The following TMEM178B variants were observed in gnomAD, a reference collection of about 807,000 sequenced individuals.
The protein encoded by TMEM178B is transmembrane protein 178B.
A neutral mutation model predicts 31.0 loss-of-function variants in TMEM178B; 5 were observed. The ratio of observed to expected loss-of-function variants is 0.16; its 90% CI spans 0.08 to 0.34. TMEM178B has a LOEUF of 0.34. TMEM178B is among the 10% of genes least tolerant of loss of function. The pLI is 1.00. For missense variants in TMEM178B, 275 were observed against 400.3 expected, an observed-to-expected ratio of 0.69 and a Z score of 2.67; for synonymous variants, 164 against 164.0, an observed-to-expected ratio of 1.00 and a Z score of 0.00.
At chr7:141,205,381 A>T (rs1199040502) in intron 1 of TMEM178B, among the ~76,000 whole-genome samples, 4 of 152,150 alleles carry the variant, frequency 2.6e-5, no homozygotes, top group African/African-American at 9.7e-5. Flanking sequence ...GAGTTCCCAC[A>T]TTCCAATTCT....
chr7:141,079,411 C>T (rs1373642774), intron 1 of TMEM178B, among the ~76,000 whole-genome samples: 3 of 152,170 alleles, frequency 2.0e-5, no homozygotes, highest in African/African-American at 7.2e-5. Flanking sequence ...TTCCCACCAT[C>T]GGAGAAAATT....
intron 1 of TMEM178B, among the ~76,000 whole-genome samples, chr7:141,121,018 G>A (rs1295622207): frequency 6.6e-6 from 1 of 151,382 alleles, no homozygotes; most frequent in African/African-American, 2.4e-5. Context: ...GCTATTTCTT[G>A]GAGAGCATTG....
chr7:141,294,211 C>A (rs780076321), intron 2 of TMEM178B, among the ~76,000 whole-genome samples: 23 of 152,148 alleles, frequency 1.5e-4, no homozygotes, highest in Non-Finnish European at 7.3e-5. Context: ...CTGGAAACTG[C>A]AAATGTGGTC....
chr7:141,439,210 T>C (rs575825460), intron 3 of TMEM178B, among the ~76,000 whole-genome samples: 2 of 152,294 alleles, frequency 1.3e-5, no homozygotes, highest in Middle Eastern at 3.4e-3. Flanking sequence ...AACACAGCCA[T>C]TCTGTGCCAA....
chr7:141,420,939 G>C (rs970801082), intron 2 of TMEM178B, among the ~76,000 whole-genome samples: 8 of 152,156 alleles, frequency 5.3e-5, no homozygotes, highest in East Asian at 1.9e-4. Flanking sequence ...CTAACTTCCA[G>C]GTAGCAAGGA....
At chr7:141,416,263 C>T (rs1186959799) in intron 2 of TMEM178B, 1 of 152,706 alleles carries the variant, frequency 6.5e-6, no homozygotes, top group African/African-American at 2.4e-5. Context: ...AGTCCAGAGA[C>T]ATTCCCACCA....
intron 2 of TMEM178B, among the ~76,000 whole-genome samples, chr7:141,381,655 A>G (rs1451643588): frequency 6.6e-6 from 1 of 152,160 alleles, no homozygotes; most frequent in Non-Finnish European, 1.5e-5. Context: ...AACATTGCCT[A>G]TATTTTTAAA....
intron 1 of TMEM178B, among the ~76,000 whole-genome samples, chr7:141,177,296 G>A (rs1796449831): frequency 6.6e-6 from 1 of 152,196 alleles, no homozygotes; most frequent in African/African-American, 2.4e-5. Flanking sequence ...TGATTGCACT[G>A]TGGTCTGAGA....
chr7:141,129,419 C>T (rs1395497511), intron 1 of TMEM178B, among the ~76,000 whole-genome samples: 4 of 152,162 alleles, frequency 2.6e-5, no homozygotes, highest in Non-Finnish European at 5.9e-5. Flanking sequence ...GTGCTCAGCT[C>T]TGTAGTGAAC....
rs115422208 is a variant in TMEM178B at position 141,163,064 on chromosome 7, C to A, written c.383-49527C>A. Among the ~76,000 whole-genome samples, 1,366 of 152,350 alleles carry A rather than the reference C, an allele frequency of 9.0e-3. 19 individuals carry two copies. The highest frequency in any genetic ancestry group is 0.032 in the African/African-American group (1,312 of 41,582). On this transcript the variant is annotated intron_variant, in intron 1 of 3. Transcript: ENST00000565468. ...CCGTGGCTTACAATGAACATTATTT[C>A]TCCAGTGTCTTCAGGGTGCAATAGA...
intron 2 of TMEM178B, among the ~76,000 whole-genome samples, chr7:141,329,487 T>A (rs1799257974): frequency 6.6e-6 from 1 of 152,236 alleles, no homozygotes; most frequent in Non-Finnish European, 1.5e-5. Flanking sequence ...CCGAGGCTTA[T>A]CAGGTCAGCA....
At position 141,248,320 on chromosome 7, in the gene TMEM178B, A is replaced by C. The variant is rs541978701; in HGVS notation, c.496+35616A>C. ...CAGCTACTCAGTAGGGTGAGGCACG[A>C]GAATCGCTTGAACCTGGGAGGCGGA... is the stretch of plus-strand genomic sequence containing the variant. On this transcript the variant is annotated intron_variant, in intron 2 of 3. Coordinates refer to ENST00000565468, the MANE Select transcript of TMEM178B (RefSeq NM_001195278.2). Among the ~76,000 whole-genome samples the C allele has an allele frequency of 5.6e-4, 85 of 152,294 alleles. 1 individual carries two copies. In the South Asian group the frequency reaches 0.017, roughly 30 times the overall value.
intron 3 of TMEM178B, among the ~76,000 whole-genome samples, chr7:141,454,723 G>A (rs906673206): frequency 6.6e-6 from 1 of 152,068 alleles, no homozygotes; most frequent in Admixed American, 6.6e-5. Flanking sequence ...TGGAGAGAAA[G>A]TATTGGGGAT....
chr7:141,469,977 C>T (rs2366241), intron 3 of TMEM178B, among the ~76,000 whole-genome samples: 127,736 of 152,186 alleles, frequency 0.84, 54,020 homozygotes, highest in Non-Finnish European at 0.87. Context: ...AGCGTTAGCA[C>T]TCCAGAGAGA....
At chr7:141,312,348 G>T (rs761746976) in intron 2 of TMEM178B, among the ~76,000 whole-genome samples, 8 of 152,170 alleles carry the variant, frequency 5.3e-5, no homozygotes, top group Admixed American at 3.3e-4. Context: ...GTGGTTCTGA[G>T]CTCTATTTTC....
At chr7:141,120,114 A>G (rs985329316) in intron 1 of TMEM178B, among the ~76,000 whole-genome samples, 1 of 152,182 alleles carries the variant, frequency 6.6e-6, no homozygotes, top group African/African-American at 2.4e-5. Context: ...GGCTTAGAAT[A>G]GTGAGGCGAT....
chr7:141,264,426 G>A (rs1027073863), intron 2 of TMEM178B, among the ~76,000 whole-genome samples: 1 of 152,314 alleles, frequency 6.6e-6, no homozygotes, highest in Middle Eastern at 3.4e-3. Flanking sequence ...TTCCGTTGTG[G>A]TAGGGTGTTC....
intron 2 of TMEM178B, among the ~76,000 whole-genome samples, chr7:141,416,801 A>G (rs576869902): frequency 6.6e-6 from 1 of 152,278 alleles, no homozygotes; most frequent in East Asian, 1.9e-4. Flanking sequence ...CGGGGTGGGG[A>G]TGCTTGTCTC....
At chr7:141,447,262 G>A (rs1233622805) in intron 3 of TMEM178B, among the ~76,000 whole-genome samples, 5 of 152,118 alleles carry the variant, frequency 3.3e-5, no homozygotes, top group Non-Finnish European at 7.3e-5. Context: ...GCTGTTGTTA[G>A]AGAGGGCTTG....
Sources: allele counts gnomAD v4.1 joint callset (sites outside exome capture counted in the v4.1 genomes callset), GRCh38; gene constraint gnomAD v4.1.1; transcripts MANE v1.5; gene names NCBI Gene and HGNC (gene_info 2026-07-23, HGNC 2026-07-21).